The following PRR5 variants were observed in gnomAD, a reference collection of about 807,000 sequenced individuals.
PRR5 encodes the protein proline rich 5, also known as proline-rich protein 5.
Under a neutral mutation model 30.6 loss-of-function variants are expected in PRR5, and 25 were observed. The observed-to-expected ratio is 0.82, with a 90% CI of 0.60 to 1.14. The LOEUF is 1.14. Ranked by LOEUF, PRR5 falls within the 50% of genes most tolerant of loss-of-function variation. The probability of loss-of-function intolerance (pLI) is 0.00; values close to 1 mark genes in which losing one functional copy is unlikely to be tolerated. For missense variants in PRR5, 600 were observed against 547.1 expected, an observed-to-expected ratio of 1.10 and a Z score of -0.96; for synonymous variants, 286 against 247.1, an observed-to-expected ratio of 1.16 and a Z score of -1.48.
intron 1 of PRR5, among the ~76,000 whole-genome samples, chr22:44,695,308 G>A (rs1161537755): frequency 1.3e-5 from 2 of 152,164 alleles, no homozygotes; most frequent in South Asian, 2.1e-4. Context: ...GAAAGACAAA[G>A]GTTTTTAAAG....
At chr22:44,687,256 C>T (rs1924829849) in intron 1 of PRR5, among the ~76,000 whole-genome samples, 1 of 152,236 alleles carries the variant, frequency 6.6e-6, no homozygotes, top group African/African-American at 2.4e-5. Context: ...AAACCCATCG[C>T]TTCAAACATC....
At chr22:44,730,566 T>A (rs1320625504) in intron 4 of PRR5, 1 of 989,116 alleles carries the variant, frequency 1.0e-6, no homozygotes, top group Non-Finnish European at 1.2e-6. Flanking sequence ...GCAGAAATCC[T>A]ACAGAGCTGG....
chr22:44,731,716 C>T lies in PRR5; in HGVS notation c.323-14C>T, dbSNP rs1922009788. The stretch of plus-strand genomic sequence containing the variant: ...GCCAGTCAGGCCCAGTGGTGATGGC[C>T]CCCATGCCCACAGGACAGAAGCTGC... On this transcript the variant is annotated splice_polypyrimidine_tract_variant and intron_variant, in intron 4 of 7. Coordinates refer to ENST00000336985, the MANE Select transcript of PRR5 (RefSeq NM_181333.4). The T allele has an allele frequency of 1.2e-6, 2 of 1,613,112 alleles. No homozygotes were observed. Among genetic ancestry groups the T allele is most frequent in the Non-Finnish European group, 1.7e-6 (2 of 1,179,502 alleles).
intron 1 of PRR5, among the ~76,000 whole-genome samples, chr22:44,709,200 C>T (rs1219810936): frequency 1.3e-5 from 2 of 152,106 alleles, no homozygotes; most frequent in Non-Finnish European, 2.9e-5. Flanking sequence ...CCCCACCACC[C>T]CTGCCTGCTT....
chr22:44,681,092 C>G (rs888608002), intron 1 of PRR5, among the ~76,000 whole-genome samples: 1 of 152,222 alleles, frequency 6.6e-6, no homozygotes, highest in African/African-American at 2.4e-5. Context: ...CTCTCGGCCC[C>G]TGCATCTGCA....
intron 4 of PRR5, among the ~76,000 whole-genome samples, chr22:44,728,662 A>G (rs1921312842): frequency 6.6e-6 from 1 of 152,242 alleles, no homozygotes; most frequent in Non-Finnish European, 1.5e-5. Flanking sequence ...AGCCACCTCC[A>G]CATCCTGATG....
At chr22:44,689,428 C>T (rs768796734) in intron 1 of PRR5, among the ~76,000 whole-genome samples, 1 of 152,210 alleles carries the variant, frequency 6.6e-6, no homozygotes, top group Non-Finnish European at 1.5e-5. Context: ...GGCATCTGGG[C>T]GGCAAGTGGG....
At chr22:44,722,350 C>T (rs950312795) in intron 2 of PRR5, among the ~76,000 whole-genome samples, 1 of 152,236 alleles carries the variant, frequency 6.6e-6, no homozygotes, top group Non-Finnish European at 1.5e-5. Flanking sequence ...GACTGGCCTG[C>T]CTCAGCACTG....
In PRR5 at chr22:44,732,341, G is replaced by T; in HGVS notation, c.505G>T (p.Ala169Ser). The T allele has an allele frequency of 6.2e-7, 1 of 1,611,918 alleles. No individual in the cohort carries two copies. The highest frequency in any genetic ancestry group is 1.1e-5 in the South Asian group (1 of 91,040). The change falls in exon 6 of 8, where the codon GCC becomes TCC. Residue 169 changes from alanine (A) to serine (S), a missense_variant. By Grantham distance (99) the Ala-to-Ser change is moderately conservative. Coordinates refer to ENST00000336985, the MANE Select transcript of PRR5 (RefSeq NM_181333.4). The stretch of plus-strand genomic sequence containing the variant: ...GAAGCTAGAGGATGCGCTGGCCCGG[G>T]CCCATGCCCGTGTGCCCCCTGCCAT... ...SVKLEDALAR[A>S]HARVPPAIVQ...
Position 44,686,520 on chromosome 22 carries a change from G to A in PRR5, c.-11+9280G>A, listed in dbSNP as rs1019676631. ...CCTGGCTAATTTTTTTTATTTGTTT[G>A]TTTTGTTTTGAGATGGAGTCTCGCT... On this transcript the variant is annotated intron_variant, in intron 1 of 8. Coordinates refer to the PRR5 transcript ENST00000006251. Among the ~76,000 whole-genome samples, 9 of 148,834 alleles carry A rather than the reference G, an allele frequency of 6.0e-5. No individual in the cohort carries two copies. In the East Asian group the frequency reaches 1.6e-3, roughly 27 times the overall value.
chr22:44,735,003 A>C (rs746537267), intron 6 of PRR5, 24 bp from the exon 7 acceptor site: 25 of 1,606,096 alleles, frequency 1.6e-5, no homozygotes, highest in Non-Finnish European at 2.1e-5. Flanking sequence ...ATGACCCCCT[A>C]CCCCCTGCCC....
intron 4 of PRR5, 79 bp from the exon 5 acceptor site, chr22:44,731,651 T>C: frequency 6.8e-7 from 1 of 1,463,706 alleles, no homozygotes; most frequent in Non-Finnish European, 9.6e-7. Flanking sequence ...TCCCGCATCC[T>C]CTGATGACCC....
intron 1 of PRR5, among the ~76,000 whole-genome samples, chr22:44,704,808 G>A (rs1051671428): frequency 3.9e-5 from 6 of 151,966 alleles, no homozygotes; most frequent in African/African-American, 4.8e-5. Context: ...CAGAGCCTGC[G>A]CCCCAGCTCT....
upstream of PRR5, among the ~76,000 whole-genome samples, chr22:44,701,890 A>C (rs114039383): frequency 0.094 from 14,017 of 148,910 alleles, 995 homozygotes; most frequent in African/African-American, 0.21. Flanking sequence ...GCCGGGGTCG[A>C]AGGACATCGT....
rs868769257 is a variant in PRR5, at chr22:44,735,325, G to C, written c.691+163G>C. Among the ~76,000 whole-genome samples the C allele has an allele frequency of 9.4e-4, 143 of 152,366 alleles. 1 individual carries two copies. The highest frequency in any genetic ancestry group is 3.3e-3 in the African/African-American group (138 of 41,594). ...CAGCCTGCCATATGCTGGCCTGGAC[G>C]TGGGGATCCGTGAGAGTGGGCACAC... is the stretch of plus-strand genomic sequence containing the variant. On this transcript the variant is annotated intron_variant, in intron 7 of 7. Transcript: ENST00000336985.
intron 2 of PRR5, among the ~76,000 whole-genome samples, chr22:44,720,919 C>T (rs543856346): frequency 1.2e-4 from 18 of 152,266 alleles, no homozygotes; most frequent in South Asian, 4.2e-4. Flanking sequence ...GGTAGGGCTT[C>T]ATTAGGGCCT....
rs1216543034 is a variant in PRR5, at chr22:44,693,458, C to CAAAAAAAAAAAA, written c.-10-9025_-10-9024insAAAAAAAAAAAA. ...TGGGTGACAGAGCAAGACCCTGTCT[C>CAAAAAAAAAAAA]AAAAAAAAAGTGTCAGCAGAGCCAA... On this transcript the variant is annotated intron_variant, in intron 1 of 8. Transcript: ENST00000006251. Among the ~76,000 whole-genome samples the CAAAAAAAAAAAA allele has an allele frequency of 9.3e-3, 1,373 of 147,652 alleles. 24 individuals are homozygous for CAAAAAAAAAAAA. The highest frequency in any genetic ancestry group is 0.033 in the African/African-American group (1,280 of 38,904).
At chr22:44,716,063 C>T (rs984843138) in intron 2 of PRR5, among the ~76,000 whole-genome samples, 2 of 152,234 alleles carry the variant, frequency 1.3e-5, no homozygotes, top group African/African-American at 4.8e-5. Context: ...GTGTGAACAG[C>T]ATTGGTAATT....
At chr22:44,714,025 G>A (rs550745040) in intron 1 of PRR5, among the ~76,000 whole-genome samples, 2 of 151,754 alleles carry the variant, frequency 1.3e-5, no homozygotes, top group South Asian at 2.1e-4. Flanking sequence ...GGATGATCTC[G>A]ATCTCCTGAC....
Sources: allele counts gnomAD v4.1 joint callset (sites outside exome capture counted in the v4.1 genomes callset), GRCh38; gene constraint gnomAD v4.1.1; transcripts MANE v1.5; gene names NCBI Gene and HGNC (gene_info 2026-07-23, HGNC 2026-07-21).